The following TBC1D8B variants were observed in gnomAD, a reference collection of about 807,000 sequenced individuals.
The protein encoded by TBC1D8B is RP11-321G1.1.
TBC1D8B carries 75 observed loss-of-function variants against 82.9 expected under a neutral mutation model. The ratio of observed to expected loss-of-function variants is 0.90; its 90% confidence interval spans 0.75 to 1.10. TBC1D8B has a LOEUF of 1.10. Among genes scored for constraint, TBC1D8B ranks in the 50% least tolerant of loss-of-function variants. TBC1D8B has a pLI of 0.00. For missense variants in TBC1D8B, 794 were observed against 796.9 expected (o/e 1.00, Z 0.04); for synonymous variants, 276 against 276.8 (o/e 1.00, Z 0.03).
intron 20 of TBC1D8B, among the ~76,000 whole-genome samples, chrX:106,871,294 T>A (rs1932846931): frequency 9.0e-6 from 1 of 111,190 alleles, no homozygotes; most frequent in Non-Finnish European, 1.9e-5. Context: ...ATCTGGTTAG[T>A]ACAGATACTG....
intron 18 of TBC1D8B, among the ~76,000 whole-genome samples, chrX:106,868,845 G>C (rs780116081): frequency 8.9e-6 from 1 of 112,076 alleles, no homozygotes; most frequent in Non-Finnish European, 1.9e-5. Context: ...ATCACTGTAG[G>C]TGTAGGAGAC....
In TBC1D8B at chrX:106,850,144, C is replaced by A. The variant is rs373587471; in HGVS notation, c.1957C>A (p.Leu653Ile). ...AGTTTCTCTCTCTTGGTTTCTCACA[C>A]TTTTTATTAGTGTGCTACCTATTGA... The part of the protein sequence containing the change: ...SSVSLSWFLT[L>I]FISVLPIESA... The change falls in exon 12 of 21, where the codon CTT becomes ATT. Residue 653 changes from leucine (L) to isoleucine (I), a missense_variant. Physicochemically the swap from Leu to Ile is conservative, Grantham distance 5. Transcript: ENST00000357242. 104 of 1,209,837 alleles carry A rather than the reference C, an allele frequency of 8.6e-5. No individual in the cohort carries two copies. The highest frequency in any genetic ancestry group is 1.1e-4 in the Non-Finnish European group (101 of 895,173).
chrX:106,812,795 A>G (rs1931416437), intron 1 of TBC1D8B, among the ~76,000 whole-genome samples: 1 of 111,998 alleles, frequency 8.9e-6, no homozygotes, highest in South Asian at 3.7e-4. Flanking sequence ...AATGTGCTCA[A>G]TATTGGCCAC....
At chrX:106,857,504 A>T (rs769652874) in intron 14 of TBC1D8B, among the ~76,000 whole-genome samples, 1 of 111,342 alleles carries the variant, frequency 9.0e-6, no homozygotes, top group Non-Finnish European at 1.9e-5. Context: ...TGTACAGATT[A>T]TCTCATCACA....
At chrX:106,863,917 T>G (rs1204298290) in intron 14 of TBC1D8B, among the ~76,000 whole-genome samples, 1 of 111,386 alleles carries the variant, frequency 9.0e-6, no homozygotes, top group Non-Finnish European at 1.9e-5. Flanking sequence ...GTGTAGGTGT[T>G]TCATGGGACA....
In TBC1D8B at chrX:106,854,833, T is replaced by C. The variant is rs370038489; in HGVS notation, c.2352+537T>C. On this transcript the variant is annotated intron_variant, in intron 14 of 20. Coordinates refer to ENST00000357242, the MANE Select transcript of TBC1D8B (RefSeq NM_017752.3). The stretch of plus-strand genomic sequence containing the variant: ...ACCTAGCCTGCAGCTCAGTGTTGAA[T>C]GCTATCATGTTGGCATTTAAGCATA... Among the ~76,000 whole-genome samples the C allele has an allele frequency of 1.6e-3, 174 of 111,972 alleles. 1 individual carries two copies. The highest frequency in any genetic ancestry group is 5.2e-3 in the African/African-American group (161 of 30,882).
intron 14 of TBC1D8B, among the ~76,000 whole-genome samples, chrX:106,859,252 A>G (rs771639600): frequency 2.8e-4 from 31 of 112,032 alleles, no homozygotes; most frequent in African/African-American, 9.4e-4. Flanking sequence ...GAAGAATGTC[A>G]TTGGTAGTTT....
rs940988235 is a variant in TBC1D8B at position 106,865,729 on chromosome X, T to A, written c.2422-64T>A. On this transcript the variant is annotated intron_variant, in intron 15 of 20. Coordinates refer to ENST00000357242, the MANE Select transcript of TBC1D8B (RefSeq NM_017752.3). The stretch of plus-strand genomic sequence containing the variant: ...TATCTTTATTTTAGCAGACATGGTT[T>A]TTAAAATCTTCCAAAATTACTTTTT... 5.6e-5 allele frequency: 62 copies of A among 1,109,038 alleles called. No homozygotes were observed. In the African/African-American group the frequency reaches 9.9e-4, roughly 18 times the overall value. The allele number at this position is 1,109,038 out of a possible 1,213,427, so 91.4% of individuals were successfully genotyped here.
rs755580664 is a variant in TBC1D8B, at chrX:106,804,238, A to G, written c.130+1255A>G. On this transcript the variant is annotated intron_variant, in intron 1 of 20. Transcript: ENST00000357242. Reference sequence around the variant, plus strand: ...TTGAGAGGATAAAACGAAAGATAATAGCACCAAATCAATGTATGTCGTCAA... The same window carrying G: ...TTGAGAGGATAAAACGAAAGATAATGGCACCAAATCAATGTATGTCGTCAA... Among the ~76,000 whole-genome samples the G allele has an allele frequency of 3.6e-5, 4 of 111,802 alleles. No homozygotes were observed. In the East Asian group the frequency reaches 1.1e-3, roughly 31 times the overall value.
At chrX:106,864,118 T>G (rs1235326268) in intron 14 of TBC1D8B, among the ~76,000 whole-genome samples, 2 of 111,227 alleles carry the variant, frequency 1.8e-5, no homozygotes, top group Non-Finnish European at 1.9e-5. Flanking sequence ...AGAGGTCCCC[T>G]TGGACTTAAG....
intron 1 of TBC1D8B, among the ~76,000 whole-genome samples, chrX:106,806,596 G>T (rs1931194612): frequency 9.0e-6 from 1 of 111,428 alleles, no homozygotes; most frequent in Non-Finnish European, 1.9e-5. Context: ...CTGCCAATCA[G>T]GAAGCCTTCA....
chrX:106,874,005 T>A lies in TBC1D8B; in HGVS notation c.*40T>A. Reference sequence around the variant, plus strand: ...CCTATCATAGACAAGTTTACTAACATTCCTGTAGCTGTCAGTTTGATTCCT... The same window carrying A: ...CCTATCATAGACAAGTTTACTAACAATCCTGTAGCTGTCAGTTTGATTCCT... On this transcript the variant is annotated 3_prime_UTR_variant, in exon 21 of 21. Transcript: ENST00000357242. 1 of 1,133,270 alleles carries A rather than the reference T, an allele frequency of 8.8e-7. No individual in the cohort carries two copies. The highest frequency in any genetic ancestry group is 2.2e-5 in the South Asian group (1 of 45,443). 93.4% of individuals were successfully genotyped at this position (1,133,270 alleles called of 1,213,427 possible).
intron 5 of TBC1D8B, among the ~76,000 whole-genome samples, chrX:106,825,622 T>G (rs1403090128): frequency 9.0e-6 from 1 of 111,656 alleles, no homozygotes; most frequent in Non-Finnish European, 1.9e-5. Flanking sequence ...TTCATTATTT[T>G]ATTTTACTTG....
intron 14 of TBC1D8B, among the ~76,000 whole-genome samples, chrX:106,861,032 T>C (rs1450313067): frequency 9.0e-6 from 1 of 111,724 alleles, no homozygotes; most frequent in Non-Finnish European, 1.9e-5. Context: ...ATTATATGGT[T>C]TTGAGCAATC....
At chrX:106,841,116 AC>A (rs1010629440) in intron 10 of TBC1D8B, among the ~76,000 whole-genome samples, 2 of 111,644 alleles carry the variant, frequency 1.8e-5, no homozygotes, top group East Asian at 5.6e-4. Context: ...TATAAAAGAT[AC>A]TCTGCTAGGT....
intron 1 of TBC1D8B, chrX:106,815,892 G>A (rs1931529112): frequency 9.0e-6 from 1 of 111,116 alleles, no homozygotes; most frequent in Admixed American, 9.6e-5. Flanking sequence ...AATAAATTAG[G>A]TATTGATGGG....
chrX:106,831,751 TAC>T (rs1349527942), intron 7 of TBC1D8B, among the ~76,000 whole-genome samples: 3 of 111,858 alleles, frequency 2.7e-5, no homozygotes. Context: ...ATCAGAATTC[TAC>T]AGTTTTCTAG....
chrX:106,873,988 A>G lies in TBC1D8B; in HGVS notation c.*23A>G, dbSNP rs1932869718. Reference sequence around the variant, plus strand: ...TAAATCCCTAGGAATTGCCTATCATAGACAAGTTTACTAACATTCCTGTAG... The same window carrying G: ...TAAATCCCTAGGAATTGCCTATCATGGACAAGTTTACTAACATTCCTGTAG... On this transcript the variant is annotated 3_prime_UTR_variant, in exon 21 of 21. Transcript: ENST00000357242. 8.7e-7 allele frequency: 1 copy of G among 1,151,516 alleles called. No individual in the cohort carries two copies. Among genetic ancestry groups the G allele is most frequent in the Non-Finnish European group, 1.2e-6 (1 of 866,439 alleles). 94.9% of individuals were successfully genotyped at this position (1,151,516 alleles called of 1,213,427 possible).
intron 14 of TBC1D8B, among the ~76,000 whole-genome samples, chrX:106,859,882 G>A (rs773455027): frequency 8.9e-6 from 1 of 112,009 alleles, no homozygotes; most frequent in Non-Finnish European, 1.9e-5. Context: ...TGCCTAGTTT[G>A]TTGAGGCTTT....
Sources: gnomAD v4.1 joint callset for allele counts (sites outside exome capture counted in the v4.1 genomes callset) on GRCh38, gnomAD v4.1.1 for gene constraint, MANE v1.5 for transcripts, NCBI Gene and HGNC (gene_info 2026-07-23, HGNC 2026-07-21) for gene names.